The following TOGARAM2 variants were observed in gnomAD, a reference collection of about 807,000 sequenced individuals.
The protein encoded by TOGARAM2 is TOG array regulator of axonemal microtubules protein 2.
Under a neutral mutation model 93.3 loss-of-function variants are expected in TOGARAM2, and 85 were observed. The observed-to-expected ratio is 0.91, with a 90% CI of 0.76 to 1.09. TOGARAM2 has a LOEUF of 1.09. Among genes scored for constraint, TOGARAM2 ranks in the 50% least tolerant of loss-of-function variants. The pLI, the probability that TOGARAM2 is intolerant of heterozygous loss-of-function variation, is 0.00. For synonymous variants in TOGARAM2, 593 were observed against 552.8 expected, an observed-to-expected ratio of 1.07 and a Z score of -1.02; for missense variants, 1,277 against 1,334.5, an observed-to-expected ratio of 0.96 and a Z score of 0.67.
At chr2:29,035,370 C>G (rs908333207) in intron 16 of TOGARAM2, 94 bp from the exon 17 acceptor site, 80 of 1,143,506 alleles carry the variant, frequency 7.0e-5, no homozygotes, top group Non-Finnish European at 8.9e-5. Context: ...TTGTCTCTGC[C>G]CCACCTGCCT....
chr2:28,972,992 G>A (rs1044940988), intron 1 of TOGARAM2, among the ~76,000 whole-genome samples: 2 of 152,282 alleles, frequency 1.3e-5, no homozygotes, highest in Middle Eastern at 3.4e-3. Flanking sequence ...ATCCCTCGTG[G>A]CTGGTTATCC....
At chr2:29,000,921 G>A (rs1572665949) in intron 4 of TOGARAM2, among the ~76,000 whole-genome samples, 1 of 152,208 alleles carries the variant, frequency 6.6e-6, no homozygotes, top group Non-Finnish European at 1.5e-5. Flanking sequence ...CTCCCTTAGG[G>A]GCTTGAAGCC....
chr2:29,008,013 T>C (rs6761060), intron 6 of TOGARAM2, among the ~76,000 whole-genome samples: 112,095 of 152,076 alleles, frequency 0.74, 42,811 homozygotes, highest in Non-Finnish European at 0.85. Flanking sequence ...GGGGAAGTGG[T>C]CTTCTCTGCA....
chr2:29,027,237 C>G (rs898883260), intron 14 of TOGARAM2, among the ~76,000 whole-genome samples: 2 of 152,200 alleles, frequency 1.3e-5, no homozygotes, highest in Admixed American at 6.5e-5. Flanking sequence ...CTTCCATTTC[C>G]CCTCTTACCC....
intron 7 of TOGARAM2, among the ~76,000 whole-genome samples, chr2:29,011,768 G>A (rs988183669): frequency 1.3e-5 from 2 of 152,174 alleles, no homozygotes; most frequent in African/African-American, 2.4e-5. Context: ...AGCTTGCCAC[G>A]GCCTCGATAA....
chr2:28,968,221 G>A (rs1258274768), intron 1 of TOGARAM2, among the ~76,000 whole-genome samples: 3 of 152,136 alleles, frequency 2.0e-5, no homozygotes, highest in Non-Finnish European at 4.4e-5. Context: ...TCAATAGAGC[G>A]ATAGGTATAA....
At chr2:28,987,625 A>G (rs1372588950) in intron 1 of TOGARAM2, among the ~76,000 whole-genome samples, 2 of 152,194 alleles carry the variant, frequency 1.3e-5, no homozygotes, top group African/African-American at 4.8e-5. Flanking sequence ...ATTCAGTCAC[A>G]CTACAGTTAC....
At chr2:28,966,092 G>T (rs947624392) in intron 1 of TOGARAM2, among the ~76,000 whole-genome samples, 1 of 150,770 alleles carries the variant, frequency 6.6e-6, no homozygotes, top group Non-Finnish European at 1.5e-5. Flanking sequence ...CACGATTTTT[G>T]GCTCAATGCA....
intron 1 of TOGARAM2, among the ~76,000 whole-genome samples, chr2:28,960,403 A>G (rs1671786931): frequency 1.3e-5 from 2 of 152,132 alleles, no homozygotes; most frequent in African/African-American, 4.8e-5. Flanking sequence ...TTGAGGCAGA[A>G]TCTTGCTCAC....
At chr2:29,033,288 T>C in intron 15 of TOGARAM2, 181 bp from the exon 16 acceptor site, 1 of 694,074 alleles carries the variant, frequency 1.4e-6, no homozygotes, top group South Asian at 1.9e-5. Flanking sequence ...CCTTCATCTG[T>C]TAACCAGGGA....
At chr2:28,991,899 C>T (rs1672750585) in intron 1 of TOGARAM2, among the ~76,000 whole-genome samples, 1 of 152,216 alleles carries the variant, frequency 6.6e-6, no homozygotes, top group African/African-American at 2.4e-5. Context: ...CGGGTCGCCC[C>T]ATTCCCTGGG....
chr2:29,052,020 G>A lies in TOGARAM2; in HGVS notation c.2987G>A (p.Arg996His), dbSNP rs747615242. 18 of 1,611,350 alleles carry A rather than the reference G, an allele frequency of 1.1e-5. No individual in the cohort carries two copies. The highest frequency in any genetic ancestry group is 8.9e-5 in the East Asian group (4 of 44,860). ...LLDSESLGGS[R>H]KATDRGVAPD... Reference sequence around the variant, plus strand: ...GACTCAGAGTCCTTGGGAGGCAGCCGCAAGGCCACTGACAGAGGGGTGGCC... The same window carrying A: ...GACTCAGAGTCCTTGGGAGGCAGCCACAAGGCCACTGACAGAGGGGTGGCC... The change falls in exon 20 of 20, where the codon CGC becomes CAC. Residue 996 changes from arginine (R) to histidine (H), a missense_variant. Physicochemically the swap from Arg to His is conservative, Grantham distance 29 (BLOSUM62 0). Coordinates refer to ENST00000379558, the MANE Select transcript of TOGARAM2 (RefSeq NM_199280.4).
Position 29,017,924 on chromosome 2 carries a change from G to A in TOGARAM2, c.1328G>A (p.Arg443Gln), listed in dbSNP as rs200463490. The A allele has an allele frequency of 2.0e-4, 325 of 1,609,076 alleles. 4 individuals carry two copies. The South Asian group carries it at 3.0e-3, about 15-fold the overall frequency. ...RASLPSIPISRQEPRFARHAS... is the reference protein window; with the variant it reads ...RASLPSIPISQQEPRFARHAS... ...TCCCTGCCCAGCATCCCCATCAGCC[G>A]GCAGGAGCCCCGCTTTGCCCGCCAC... is the stretch of plus-strand genomic sequence containing the variant. The change falls in exon 10 of 20, where the codon CGG (arginine) becomes CAG (glutamine). Residue 443 changes from arginine (R) to glutamine (Q), a missense_variant. By Grantham distance (43) the Arg-to-Gln change is conservative (BLOSUM62 1). Coordinates refer to ENST00000379558, the MANE Select transcript of TOGARAM2 (RefSeq NM_199280.4).
At chr2:28,969,065 C>T (rs1221304503) in intron 1 of TOGARAM2, among the ~76,000 whole-genome samples, 1 of 152,186 alleles carries the variant, frequency 6.6e-6, no homozygotes, top group African/African-American at 2.4e-5. Context: ...TCTTTGGTCT[C>T]ACCAGAAGAA....
intron 1 of TOGARAM2, among the ~76,000 whole-genome samples, chr2:28,967,524 TA>T (rs1671883741): frequency 6.6e-6 from 1 of 152,122 alleles, no homozygotes; most frequent in African/African-American, 2.4e-5. Flanking sequence ...CCACTCTGCT[TA>T]AAAAATGTAG....
chr2:29,035,921 T>A (rs548464291), intron 17 of TOGARAM2, among the ~76,000 whole-genome samples: 1 of 152,236 alleles, frequency 6.6e-6, no homozygotes, highest in South Asian at 2.1e-4. Flanking sequence ...GATACTGTGG[T>A]GAGGCCTTGG....
chr2:28,981,147 A>G (rs375381067), upstream of TOGARAM2, among the ~76,000 whole-genome samples: 1 of 152,346 alleles, frequency 6.6e-6, no homozygotes, highest in East Asian at 1.9e-4. Flanking sequence ...TGTGGTGTCC[A>G]TGACCCTAGA....
In TOGARAM2 at chr2:29,052,114, A is replaced by T. The variant is rs183858603; in HGVS notation, c.*21A>T. The T allele has an allele frequency of 6.6e-7, 1 of 1,507,612 alleles. No individual in the cohort carries two copies. The highest frequency in any genetic ancestry group is 8.9e-7 in the Non-Finnish European group (1 of 1,126,626). The allele number at this position is 1,507,612 out of a possible 1,614,324, so 93.4% of individuals were successfully genotyped here. A position where few individuals can be genotyped will look rare whatever the true frequency, so the allele number is the denominator to read the frequency against. On this transcript the variant is annotated 3_prime_UTR_variant, in exon 20 of 20. Transcript: ENST00000379558. The stretch of plus-strand genomic sequence containing the variant: ...ATTAAAGATGGATCTGAAATGGGCA[A>T]TTATTATTTATCTTATTTTTTTGAT...
At chr2:29,033,619 C>A (rs1665911891) in intron 16 of TOGARAM2, 56 bp downstream of exon 16, 4 of 1,543,914 alleles carry the variant, frequency 2.6e-6, no homozygotes, top group Non-Finnish European at 3.5e-6. Context: ...ACAGAGGCAT[C>A]CTGCTTGTCC....
Sources: gnomAD v4.1 joint callset for allele counts (sites outside exome capture counted in the v4.1 genomes callset) on GRCh38, gnomAD v4.1.1 for gene constraint, MANE v1.5 for transcripts, NCBI Gene and HGNC (gene_info 2026-07-23, HGNC 2026-07-21) for gene names.